Variants in POLN observed in about 807,000 individuals in gnomAD.
The protein encoded by POLN is DNA polymerase nu.
Under a neutral mutation model 113.5 loss-of-function variants are expected in POLN, and 108 were observed. The observed-to-expected ratio is 0.95, with a 90% CI of 0.81 to 1.12. The LOEUF is 1.12. POLN is among the 50% of genes most tolerant of loss of function. The pLI is 0.00. For missense variants in POLN, 1,097 were observed against 1,077.1 expected (o/e 1.02, Z -0.26); for synonymous variants, 386 against 391.5 (o/e 0.99, Z 0.17).
At chr4:2,161,639 G>A (rs549380520) in intron 13 of POLN, among the ~76,000 whole-genome samples, 102 of 152,336 alleles carry the variant, frequency 6.7e-4, no homozygotes, top group Middle Eastern at 3.4e-3. Flanking sequence ...CCACCCAAAG[G>A]CTGAGGAGTG....
Position 2,081,039 on chromosome 4 carries a change from A to G in POLN, c.2309-3T>C, listed in dbSNP as rs753169098. 3.7e-6 allele frequency: 6 copies of G among 1,613,590 alleles called. 1 individual carries two copies. The highest frequency in any genetic ancestry group is 2.2e-5 in the South Asian group (2 of 91,076). ...CTTGCAGAGGTCAGCAGCGGAGCCT[A>G]TGGGGCGCGTGGTACTGTCTTGAGG... is the stretch of plus-strand genomic sequence containing the variant. On this transcript the variant is annotated splice_region_variant and splice_polypyrimidine_tract_variant and intron_variant, in intron 22 of 25. Transcript: ENST00000511885.
At chr4:2,085,794 CTG>C in intron 20 of POLN, 50 bp from the exon 21 acceptor site, 1 of 1,607,074 alleles carries the variant, frequency 6.2e-7, no homozygotes, top group East Asian at 2.2e-5. Context: ...CCAGCCGTGA[CTG>C]TGTGCATGGG....
intron 7 of POLN, among the ~76,000 whole-genome samples, chr4:2,184,239 A>G (rs900248551): frequency 6.8e-6 from 1 of 145,996 alleles, no homozygotes; most frequent in African/African-American, 2.7e-5. Context: ...GTCTAGTAAA[A>G]CACTAGACTT....
chr4:2,079,467 T>C lies in POLN; in HGVS notation c.2387+1491A>G, dbSNP rs1400002661. On this transcript the variant is annotated intron_variant, in intron 23 of 25. Transcript: ENST00000511885. ...TATGCGTATATGTGTGTGCATGGGT[T>C]GTATGCATGGGTGAACACGTGTATG... 3.0e-6 allele frequency: 3 copies of C among 985,424 alleles called. No individual in the cohort carries two copies. The East Asian group carries it at 3.4e-4, about 112-fold the overall frequency. The allele number at this position is 985,424 out of a possible 1,614,324, so 61.0% of individuals were successfully genotyped here.
intron 7 of POLN, among the ~76,000 whole-genome samples, chr4:2,187,783 G>A (rs1181044383): frequency 6.6e-6 from 1 of 152,164 alleles, no homozygotes; most frequent in East Asian, 1.9e-4. Context: ...CTCAACAGAA[G>A]GAGGGAGTGG....
intron 13 of POLN, among the ~76,000 whole-genome samples, chr4:2,160,839 C>T (rs1291150370): frequency 6.6e-6 from 1 of 152,166 alleles, no homozygotes; most frequent in African/African-American, 2.4e-5. Context: ...TACCTCAAGG[C>T]CTTAAAGATG....
Position 2,208,001 on chromosome 4 carries a change from G to T in POLN, c.700C>A (p.Leu234Ile). The change falls in exon 5 of 26, where the codon CTA (leucine) becomes ATA (isoleucine). Residue 234 changes from leucine (L) to isoleucine (I), a missense_variant. Leu to Ile is a conservative substitution (Grantham distance 5). Coordinates refer to ENST00000511885, the MANE Select transcript of POLN (RefSeq NM_181808.4). ...TGTTTACTAACCTGGTCAGCTCCTAGCTGGGTGGAACCATCAGTATACATC... is the reference window on the plus strand; with the variant it reads ...TGTTTACTAACCTGGTCAGCTCCTATCTGGGTGGAACCATCAGTATACATC... ...TVMYTDGSTQ[L>I]GADQTPVSSV... The T allele has an allele frequency of 6.2e-7, 1 of 1,605,722 alleles. No homozygotes were observed. The highest frequency in any genetic ancestry group is 1.1e-5 in the South Asian group (1 of 89,002).
chr4:2,208,624 A>C, intron 4 of POLN, 137 bp from the exon 5 acceptor site: 1 of 684,118 alleles, frequency 1.5e-6, no homozygotes, highest in South Asian at 2.7e-5. Flanking sequence ...CAAACCTTCT[A>C]AGGAAACCCT....
rs760728131 is a variant in POLN, at chr4:2,081,004, T to G, written c.2341A>C (p.Ile781Leu). 1 of 1,613,832 alleles carries G rather than the reference T, an allele frequency of 6.2e-7. No homozygotes were observed. ...GCAGCCACTGCAGTGAAGACATGGA[T>G]CATGGCCAGCTTGCAGAGGTCAGCA... ...SAADLCKLAM[I>L]HVFTAVAASH... The change falls in exon 23 of 26, where the codon ATC (isoleucine) becomes CTC (leucine). Residue 781 changes from isoleucine (I) to leucine (L), a missense_variant. By Grantham distance (5) the Ile-to-Leu change is conservative. Transcript: ENST00000511885.
intron 5 of POLN, among the ~76,000 whole-genome samples, chr4:2,200,943 C>T (rs941863322): frequency 1.3e-5 from 2 of 151,804 alleles, no homozygotes; most frequent in African/African-American, 4.8e-5. Flanking sequence ...AAGGCAAAGC[C>T]CAGTTTAAGG....
intron 22 of POLN, 93 bp downstream of exon 22, chr4:2,081,540 G>A (rs1385115572): frequency 4.6e-5 from 56 of 1,209,670 alleles, no homozygotes; most frequent in South Asian, 4.3e-4. Context: ...AGGAAATACC[G>A]CAACAGTGAT....
chr4:2,104,513 G>T (rs750019746), intron 19 of POLN, among the ~76,000 whole-genome samples: 38 of 152,186 alleles, frequency 2.5e-4, no homozygotes, highest in Non-Finnish European at 1.0e-4. Flanking sequence ...AATGGATGAG[G>T]GTTGGTTACT....
intron 19 of POLN, 56 bp from the exon 20 acceptor site, chr4:2,095,989 G>T: frequency 1.4e-6 from 2 of 1,449,020 alleles, no homozygotes; most frequent in African/African-American, 1.4e-5. Context: ...TCAGTGCAGG[G>T]CAGACAGTCC....
chr4:2,094,372 A>AAAAAAAAAAAAAAAG (rs1553893365), intron 20 of POLN, among the ~76,000 whole-genome samples: 1 of 149,660 alleles, frequency 6.7e-6, no homozygotes, highest in East Asian at 2.0e-4. Flanking sequence ...CCAAAAAAAA[A>AAAAAAAAAAAAAAAG]AAAGAAAGAA....
At chr4:2,228,969 C>A (rs1204571551) in intron 3 of POLN, 130 bp downstream of exon 3, 1 of 851,100 alleles carries the variant, frequency 1.2e-6, no homozygotes, top group Non-Finnish European at 1.8e-6. Flanking sequence ...TCAGTCTGCA[C>A]TGAATGAGTG....
intron 16 of POLN, among the ~76,000 whole-genome samples, chr4:2,133,196 A>C (rs1731770666): frequency 6.6e-6 from 1 of 151,124 alleles, no homozygotes; most frequent in Admixed American, 6.6e-5. Context: ...AGAAAGGGGG[A>C]ACTCTGATAT....
intron 19 of POLN, among the ~76,000 whole-genome samples, chr4:2,115,210 A>ATG (rs1279289413): frequency 1.2e-5 from 1 of 85,610 alleles, no homozygotes; most frequent in Non-Finnish European, 2.6e-5. Context: ...CACCACAGCT[A>ATG]TATATATATA....
intron 17 of POLN, among the ~76,000 whole-genome samples, chr4:2,130,721 A>G (rs901998120): frequency 6.6e-6 from 1 of 152,148 alleles, no homozygotes; most frequent in Non-Finnish European, 1.5e-5. Context: ...TGATATAATT[A>G]TCATCCATTT....
In POLN at chr4:2,161,903, G is replaced by A. The variant is rs1258926131; in HGVS notation, c.1555-2692C>T. Among the ~76,000 whole-genome samples, 8 of 152,250 alleles carry A rather than the reference G, an allele frequency of 5.3e-5. No individual in the cohort carries two copies. The East Asian group carries it at 1.3e-3, about 26-fold the overall frequency. ...CGCTCTGTATCTAGCTACTCTGGTG[G>A]GGACTTGGAGAACCTTTGTGTGGAC... is the stretch of plus-strand genomic sequence containing the variant. On this transcript the variant is annotated intron_variant, in intron 13 of 25. Transcript: ENST00000511885.
Sources: allele counts gnomAD v4.1 joint callset (sites outside exome capture counted in the v4.1 genomes callset), GRCh38; gene constraint gnomAD v4.1.1; transcripts MANE v1.5; gene names NCBI Gene and HGNC (gene_info 2026-07-23, HGNC 2026-07-21).